Variants in RSL1D1 observed in about 807,000 individuals in gnomAD.
RSL1D1 encodes the protein ribosomal L1 domain-containing protein 1.
A neutral mutation model predicts 44.6 loss-of-function variants in RSL1D1; 34 were observed. That is an observed-to-expected ratio of 0.76 (90% confidence interval 0.58 to 1.02). The LOEUF is 1.02. Ranked by LOEUF, RSL1D1 falls within the 50% of genes least tolerant of loss-of-function variation. The pLI, the probability that RSL1D1 is intolerant of heterozygous loss-of-function variation, is 0.00. For missense variants in RSL1D1, 767 were observed against 568.1 expected (o/e 1.35, Z -3.56); for synonymous variants, 271 against 207.4 (o/e 1.31, Z -2.63).
chr16:11,845,657 C>T (rs1008149413), intron 5 of RSL1D1, among the ~76,000 whole-genome samples: 1 of 152,068 alleles, frequency 6.6e-6, no homozygotes. Context: ...TGAGACAGCA[C>T]AGATGCAGGC....
At chr16:11,845,722 C>CTTT (rs139021853) in intron 5 of RSL1D1, among the ~76,000 whole-genome samples, 1 of 147,152 alleles carries the variant, frequency 6.8e-6, no homozygotes, top group South Asian at 2.1e-4. Flanking sequence ...GAGAACTGAA[C>CTTT]TTTTTTTTTT....
Position 11,841,695 on chromosome 16 carries a change from T to G in RSL1D1, c.855A>C (p.Lys285Asn), listed in dbSNP as rs753364599. The part of the protein sequence containing the change: ...TKRSLLNKKK[K>N]EARRKRRERN... ...TGTAAGTATTTAAAATTCTACTAAC[T>G]TTTTTCTTCTTATTAAGCAAAGATC... The change falls in exon 7 of 9, where the codon AAA (lysine) becomes AAC (asparagine). Residue 285 changes from lysine (K) to asparagine (N), a missense_variant and splice_region_variant. Lys to Asn is a moderately conservative substitution (Grantham distance 94). Transcript: ENST00000571133. The G allele has an allele frequency of 1.2e-6, 2 of 1,610,068 alleles. No individual in the cohort carries two copies. Among genetic ancestry groups the G allele is most frequent in the African/African-American group, 2.7e-5 (2 of 74,602 alleles).
chr16:11,838,786 G>C (rs138216443), intron 8 of RSL1D1, among the ~76,000 whole-genome samples: 13 of 150,950 alleles, frequency 8.6e-5, no homozygotes, highest in Non-Finnish European at 1.5e-4. Flanking sequence ...GGGCACGAAA[G>C]GTGGAGGTTG....
intron 8 of RSL1D1, among the ~76,000 whole-genome samples, chr16:11,839,336 A>T (rs1006859079): frequency 6.7e-6 from 1 of 149,506 alleles, no homozygotes; most frequent in South Asian, 2.1e-4. Flanking sequence ...ACTGCACTCT[A>T]GCCTGGGTGA....
chr16:11,838,054 A>T lies in RSL1D1; in HGVS notation c.1206T>A (p.Pro402=). 1.2e-6 allele frequency: 2 copies of T among 1,612,904 alleles called. No homozygotes were observed. Among genetic ancestry groups the T allele is most frequent in the Non-Finnish European group, 1.7e-6 (2 of 1,179,810 alleles). Residue 402 remains proline (P), a synonymous_variant, in exon 9 of 9, where the codon CCT becomes CCA. Coordinates refer to ENST00000571133, the MANE Select transcript of RSL1D1 (RefSeq NM_015659.3). ...GCAAAGCCTTTCTTTTCTTCCCACGAGGTGTGCTGGGATTAGGACTCTTTG... is the reference window on the plus strand; with the variant it reads ...GCAAAGCCTTTCTTTTCTTCCCACGTGGTGTGCTGGGATTAGGACTCTTTG... The part of the protein sequence containing the change: ...SPAKSPNPST[P]RGKKRKALPA...
chr16:11,843,869 C>CT (rs1162612181), intron 5 of RSL1D1, among the ~76,000 whole-genome samples: 7 of 9,966 alleles, frequency 7.0e-4, no homozygotes, highest in Admixed American at 1.5e-3. Flanking sequence ...AGAACTCTGT[C>CT]TCAAAAAAAA....
intron 8 of RSL1D1, 127 bp from the exon 9 acceptor site, chr16:11,838,240 C>T: frequency 1.3e-6 from 1 of 799,394 alleles, no homozygotes; most frequent in Non-Finnish European, 1.9e-6. Flanking sequence ...GCTGCCCATG[C>T]TAGAGTGCAA....
At chr16:11,849,823 T>C (rs2053824348) in intron 2 of RSL1D1, among the ~76,000 whole-genome samples, 1 of 152,160 alleles carries the variant, frequency 6.6e-6, no homozygotes, top group African/African-American at 2.4e-5. Context: ...TTTTAGCACA[T>C]CTGAATTTCT....
intron 8 of RSL1D1, among the ~76,000 whole-genome samples, chr16:11,838,782 G>A (rs909270597): frequency 2.7e-5 from 4 of 146,928 alleles, no homozygotes; most frequent in South Asian, 2.1e-4. Flanking sequence ...GCTTGGGCAC[G>A]AAAGGTGGAG....
At position 11,838,087 on chromosome 16, in the gene RSL1D1, C is replaced by G; in HGVS notation, c.1173G>C (p.Lys391Asn). The G allele has an allele frequency of 6.4e-7, 1 of 1,572,856 alleles. No individual in the cohort carries two copies. ...VEIQKHATGK[K>N]SPAKSPNPST... ...TGGGATTAGGACTCTTTGCTGGAGA[C>G]TTCTTTCCTGTGGCATGTTTTTGAA... Residue 391 changes from lysine to asparagine, a missense_variant, in exon 9 of 9, where the codon AAG becomes AAC. Coordinates refer to ENST00000571133, the MANE Select transcript of RSL1D1 (RefSeq NM_015659.3).
At chr16:11,849,593 G>A (rs948465903) in intron 2 of RSL1D1, among the ~76,000 whole-genome samples, 2 of 152,096 alleles carry the variant, frequency 1.3e-5, no homozygotes, top group African/African-American at 4.8e-5. Context: ...GAAATTCACT[G>A]CAGTTTTTAA....
At position 11,847,737 on chromosome 16, in the gene RSL1D1, T is replaced by G. The variant is rs1270302969; in HGVS notation, c.315A>C (p.Ser105=). The change falls in exon 3 of 9, where the codon TCA becomes TCC. Residue 105 remains serine (S), a synonymous_variant. Transcript: ENST00000571133. The stretch of plus-strand genomic sequence containing the variant: ...AAAACTGTTCTGTCTTTTCAGGAGT[T>G]GAATTGGGTTCATCCTTCGTAAATA... The part of the protein sequence containing the change: ...ICLFTKDEPN[S]TPEKTEQFYR... 6.2e-7 allele frequency: 1 copy of G among 1,612,990 alleles called. No homozygotes were observed. The highest frequency in any genetic ancestry group is 1.7e-5 in the Admixed American group (1 of 60,004).
At chr16:11,850,223 G>C in intron 2 of RSL1D1, 56 bp downstream of exon 2, 1 of 1,487,222 alleles carries the variant, frequency 6.7e-7, no homozygotes, top group Admixed American at 2.5e-5. Context: ...AATTGTTCGA[G>C]TTACAAAGAA....
At chr16:11,843,795 C>T (rs1341730155) in intron 5 of RSL1D1, among the ~76,000 whole-genome samples, 7 of 138,562 alleles carry the variant, frequency 5.1e-5, no homozygotes, top group African/African-American at 1.9e-4. Context: ...GGTGTGAACC[C>T]GGCAGGCGGA....
At chr16:11,844,488 G>A (rs2053784649) in intron 5 of RSL1D1, among the ~76,000 whole-genome samples, 2 of 152,092 alleles carry the variant, frequency 1.3e-5, no homozygotes, top group Admixed American at 1.3e-4. Flanking sequence ...TTAACCAAAG[G>A]GGTAGGGGTC....
At position 11,839,796 on chromosome 16, in the gene RSL1D1, C is replaced by T. The variant is rs1449571820; in HGVS notation, c.1045G>A (p.Gly349Ser). ...GCTTTAACTTGGGCTTTTCCTCTGC[C>T]ACGTTTTTTCTTCCCATGCTCTGGG... ...QTPEHGKKKR[G>S]RGKAQVKATN... is the part of the protein sequence containing the mutation. The change falls in exon 8 of 9, where the codon GGC becomes AGC. Residue 349 changes from glycine (G) to serine (S), a missense_variant. By Grantham distance (56) the Gly-to-Ser change is moderately conservative (BLOSUM62 0). Coordinates refer to ENST00000571133, the MANE Select transcript of RSL1D1 (RefSeq NM_015659.3). The T allele has an allele frequency of 3.1e-6, 5 of 1,613,964 alleles. No individual in the cohort carries two copies. In the African/African-American group the frequency reaches 5.3e-5, roughly 17 times the overall value.
chr16:11,840,395 A>G (rs752482993), intron 7 of RSL1D1, among the ~76,000 whole-genome samples: 2 of 152,070 alleles, frequency 1.3e-5, no homozygotes, highest in Non-Finnish European at 2.9e-5. Flanking sequence ...GTGAAACCCC[A>G]TCTCTATTAA....
At chr16:11,846,437 G>A (rs2053799032) in intron 5 of RSL1D1, 64 bp downstream of exon 5, 5 of 865,832 alleles carry the variant, frequency 5.8e-6, no homozygotes, top group Non-Finnish European at 9.3e-6. Context: ...AAACGAATAA[G>A]TATATATAAA....
At chr16:11,844,374 C>T (rs2053784080) in intron 5 of RSL1D1, among the ~76,000 whole-genome samples, 1 of 152,208 alleles carries the variant, frequency 6.6e-6, no homozygotes, top group Non-Finnish European at 1.5e-5. Context: ...CCTTTACCTG[C>T]CTTCATGGTA....
Sources: gnomAD v4.1 joint callset for allele counts (sites outside exome capture counted in the v4.1 genomes callset) on GRCh38, gnomAD v4.1.1 for gene constraint, MANE v1.5 for transcripts, NCBI Gene and HGNC (gene_info 2026-07-23, HGNC 2026-07-21) for gene names.